Variants in ATP8B4 observed in about 807,000 individuals in gnomAD.
ATP8B4 encodes the protein probable phospholipid-transporting ATPase IM.
In ATP8B4, 133 loss-of-function variants were observed where a neutral mutation model predicts 145.6. The ratio of observed to expected loss-of-function variants is 0.91; its 90% confidence interval spans 0.79 to 1.05. The LOEUF (loss-of-function observed/expected upper bound fraction) is 1.05. ATP8B4 is among the 50% of genes least tolerant of loss of function. The pLI is 0.00. For missense variants in ATP8B4, 1,458 were observed against 1,425.2 expected, an observed-to-expected ratio of 1.02 and a Z score of -0.37; for synonymous variants, 507 against 492.9, an observed-to-expected ratio of 1.03 and a Z score of -0.38.
chr15:49,957,356 A>AAC (rs138464462), intron 14 of ATP8B4, among the ~76,000 whole-genome samples: 1 of 151,434 alleles, frequency 6.6e-6, no homozygotes, highest in Non-Finnish European at 1.5e-5. Flanking sequence ...AACGCACACA[A>AAC]ACACACACAC....
At chr15:50,126,787 G>C (rs193043382) in intron 1 of ATP8B4, among the ~76,000 whole-genome samples, 7 of 152,170 alleles carry the variant, frequency 4.6e-5, no homozygotes, top group Non-Finnish European at 8.8e-5. Flanking sequence ...AAAGAAGTTA[G>C]AGTCCCAATA....
intron 17 of ATP8B4, 64 bp from the exon 18 acceptor site, chr15:49,920,474 C>A: frequency 6.7e-7 from 1 of 1,482,930 alleles, no homozygotes; most frequent in Non-Finnish European, 9.0e-7. Flanking sequence ...ATAACAACAA[C>A]AAAAATAATT....
At chr15:50,178,879 G>C (rs1304210369) in intron 1 of ATP8B4, among the ~76,000 whole-genome samples, 2 of 152,136 alleles carry the variant, frequency 1.3e-5, no homozygotes, top group Non-Finnish European at 2.9e-5. Context: ...TGATGGGGGA[G>C]GGGGTTGTTC....
Position 50,173,858 on chromosome 15 carries a change from C to T in ATP8B4, c.-43+8403G>A, listed in dbSNP as rs149392259. ...TAACCAAAAGAAGAAAACTATAGGC[C>T]GATATCCTGGATGAACATAGATGCT... On this transcript the variant is annotated intron_variant, in intron 1 of 3. Coordinates refer to the ATP8B4 transcript ENST00000558829. Among the ~76,000 whole-genome samples the T allele has an allele frequency of 3.2e-3, 485 of 152,124 alleles. 4 individuals carry two copies. The highest frequency in any genetic ancestry group is 0.011 in the African/African-American group (475 of 41,500).
intron 23 of ATP8B4, among the ~76,000 whole-genome samples, chr15:49,893,794 G>A (rs888194513): frequency 6.6e-6 from 1 of 152,116 alleles, no homozygotes; most frequent in East Asian, 1.9e-4. Flanking sequence ...AATTTTATGT[G>A]TTTTTTACCA....
At chr15:49,900,923 T>C (rs568458820) in intron 21 of ATP8B4, among the ~76,000 whole-genome samples, 169 bp downstream of exon 21, 1 of 152,262 alleles carries the variant, frequency 6.6e-6, no homozygotes, top group East Asian at 1.9e-4. Flanking sequence ...GTATGAGATA[T>C]ATATTAGAAG....
chr15:50,035,454 T>C (rs1306950293), intron 6 of ATP8B4, among the ~76,000 whole-genome samples: 1 of 152,146 alleles, frequency 6.6e-6, no homozygotes, highest in East Asian at 1.9e-4. Flanking sequence ...ACACATTGCA[T>C]CATGAATGGA....
chr15:50,164,111 G>C (rs1285081095), intron 1 of ATP8B4, among the ~76,000 whole-genome samples: 1 of 152,140 alleles, frequency 6.6e-6, no homozygotes, highest in Non-Finnish European at 1.5e-5. Context: ...GAGCCTGCTT[G>C]GCGCTCTATC....
At chr15:50,056,974 C>T (rs890808595) in intron 3 of ATP8B4, among the ~76,000 whole-genome samples, 6 of 152,116 alleles carry the variant, frequency 3.9e-5, no homozygotes, top group Admixed American at 2.0e-4. Flanking sequence ...GATCCTCCCA[C>T]CTCGGCCTCT....
At chr15:50,029,711 A>G (rs541287764) in intron 6 of ATP8B4, among the ~76,000 whole-genome samples, 2 of 152,332 alleles carry the variant, frequency 1.3e-5, no homozygotes, top group Admixed American at 6.5e-5. Context: ...GTGGAGAAGC[A>G]GAGAGGAAAA....
intron 1 of ATP8B4, among the ~76,000 whole-genome samples, chr15:50,163,402 G>A (rs142507994): frequency 8.5e-5 from 13 of 152,334 alleles, no homozygotes; most frequent in African/African-American, 3.1e-4. Context: ...CTGCCTTGGT[G>A]GTCTTGGTAA....
At position 49,860,173 on chromosome 15, in the gene ATP8B4, G is replaced by A. The variant is rs1287076358; in HGVS notation, c.*21C>T. 15 of 1,586,982 alleles carry A rather than the reference G, an allele frequency of 9.5e-6. No homozygotes were observed. Among genetic ancestry groups the A allele is most frequent in the Middle Eastern group, 1.7e-4 (1 of 5,916 alleles). ...CCACCTGAAGTGAAAAGATAACTAC[G>A]TGGTTTAAATTCATATTGACTCACA... On this transcript the variant is annotated 3_prime_UTR_variant, in exon 28 of 28. Coordinates refer to ENST00000284509, the MANE Select transcript of ATP8B4 (RefSeq NM_024837.4).
chr15:49,913,967 G>GA (rs1370147239), intron 20 of ATP8B4, among the ~76,000 whole-genome samples: 1 of 151,354 alleles, frequency 6.6e-6, no homozygotes, highest in African/African-American at 2.4e-5. Flanking sequence ...CACAGAAATG[G>GA]AAAAAAAATT....
chr15:49,870,319 T>G (rs764016253), intron 25 of ATP8B4, among the ~76,000 whole-genome samples: 6 of 151,972 alleles, frequency 3.9e-5, no homozygotes, highest in African/African-American at 1.2e-4. Flanking sequence ...GTACAGAAAA[T>G]GTATGGGAGG....
chr15:50,122,553 T>C (rs948843867), upstream of ATP8B4, among the ~76,000 whole-genome samples: 10 of 152,164 alleles, frequency 6.6e-5, no homozygotes, highest in Admixed American at 5.2e-4. Flanking sequence ...GCTTGCTTGC[T>C]TTTAAGGCCA....
intron 20 of ATP8B4, among the ~76,000 whole-genome samples, chr15:49,905,284 C>T (rs531725004): frequency 6.6e-6 from 1 of 152,270 alleles, no homozygotes; most frequent in African/African-American, 2.4e-5. Context: ...CATTTCTTTT[C>T]AATAGCTACT....
chr15:49,938,265 G>A (rs1208087688), intron 14 of ATP8B4, among the ~76,000 whole-genome samples: 1 of 152,106 alleles, frequency 6.6e-6, no homozygotes, highest in African/African-American at 2.4e-5. Flanking sequence ...TTTCATGGTA[G>A]GGTCAAAACT....
rs556757373 is a variant in ATP8B4 at position 50,154,171 on chromosome 15, T to C, written c.-43+28090A>G. Among the ~76,000 whole-genome samples the C allele has an allele frequency of 1.6e-4, 24 of 152,304 alleles. No homozygotes were observed. The South Asian group carries it at 4.3e-3, about 28-fold the overall frequency. On this transcript the variant is annotated intron_variant, in intron 1 of 3. Coordinates refer to the ATP8B4 transcript ENST00000558829. ...ACTTTCTGCTTTGTCCTATACTTTCTCTTTCATGAATAACTAATCATTTTA... is the reference window on the plus strand; with the variant it reads ...ACTTTCTGCTTTGTCCTATACTTTCCCTTTCATGAATAACTAATCATTTTA...
intron 3 of ATP8B4, among the ~76,000 whole-genome samples, chr15:50,057,559 G>C (rs1469095357): frequency 6.6e-6 from 1 of 152,198 alleles, no homozygotes; most frequent in African/African-American, 2.4e-5. Flanking sequence ...AATTCAATCA[G>C]CTGGAGCAGT....
Sources: gnomAD v4.1 joint callset for allele counts (sites outside exome capture counted in the v4.1 genomes callset) on GRCh38, gnomAD v4.1.1 for gene constraint, MANE v1.5 for transcripts, NCBI Gene and HGNC (gene_info 2026-07-23, HGNC 2026-07-21) for gene names.